Variants in RASAL2 observed in about 807,000 individuals in gnomAD.
The protein encoded by RASAL2 is RAS protein activator like 2.
A neutral mutation model predicts 128.9 loss-of-function variants in RASAL2; 58 were observed. That is an observed-to-expected ratio of 0.45 (90% CI 0.36 to 0.56). The LOEUF (loss-of-function observed/expected upper bound fraction) is 0.56. RASAL2 is among the 20% of genes least tolerant of loss of function. The pLI is 0.00. For missense variants in RASAL2, 1,360 were observed against 1,601.6 expected (o/e 0.85, Z 2.57); for synonymous variants, 561 against 580.8 (o/e 0.97, Z 0.49).
intron 1 of RASAL2, among the ~76,000 whole-genome samples, chr1:178,199,297 C>A (rs1662783488): frequency 1.3e-5 from 2 of 152,316 alleles, no homozygotes; most frequent in African/African-American, 4.8e-5. Context: ...AGCTCGCCCT[C>A]CGTGGGCTGT....
intron 3 of RASAL2, among the ~76,000 whole-genome samples, chr1:178,362,680 C>G (rs1341732889): frequency 6.6e-6 from 1 of 151,790 alleles, no homozygotes; most frequent in East Asian, 1.9e-4. Flanking sequence ...CTCTTTGTTG[C>G]TATCTGTGTA....
chr1:178,291,023 AT>A (rs1667259019), intron 2 of RASAL2, among the ~76,000 whole-genome samples: 1 of 150,396 alleles, frequency 6.6e-6, no homozygotes, highest in Admixed American at 6.6e-5. Flanking sequence ...TAACTGAGAT[AT>A]GGCCTAGGAT....
intron 1 of RASAL2, among the ~76,000 whole-genome samples, chr1:178,152,114 C>T (rs1342406127): frequency 6.6e-6 from 1 of 152,140 alleles, no homozygotes; most frequent in Non-Finnish European, 1.5e-5. Flanking sequence ...GGTAACCAGA[C>T]AGACCATGTG....
At chr1:178,203,766 A>C (rs953038353) in intron 1 of RASAL2, among the ~76,000 whole-genome samples, 4 of 152,236 alleles carry the variant, frequency 2.6e-5, no homozygotes, top group African/African-American at 9.6e-5. Flanking sequence ...TGGACTATCA[A>C]GATGAAATCA....
chr1:178,187,022 G>T (rs1031910702), intron 1 of RASAL2, among the ~76,000 whole-genome samples: 5 of 151,836 alleles, frequency 3.3e-5, no homozygotes, highest in African/African-American at 1.2e-4. Flanking sequence ...GGAGAGAAGG[G>T]TCTCTGTGTT....
At chr1:178,293,536 T>C (rs1197029898) in intron 2 of RASAL2, among the ~76,000 whole-genome samples, 1 of 152,198 alleles carries the variant, frequency 6.6e-6, no homozygotes, top group Non-Finnish European at 1.5e-5. Context: ...AACATGTTCA[T>C]AATATATTGT....
intron 5 of RASAL2, among the ~76,000 whole-genome samples, chr1:178,420,871 T>G (rs1301322905): frequency 6.6e-6 from 1 of 152,176 alleles, no homozygotes; most frequent in East Asian, 1.9e-4. Context: ...AAGCTATTTC[T>G]GTAGAATCAA....
chr1:178,113,511 AGTGTGT>A (rs61642582), intron 1 of RASAL2, among the ~76,000 whole-genome samples: 22,187 of 121,764 alleles, frequency 0.18, 2,049 homozygotes, highest in Middle Eastern at 0.23. Flanking sequence ...CATGCCTGCG[AGTGTGT>A]GTGTGTGTGT....
At chr1:178,210,625 G>A (rs562055081) in intron 1 of RASAL2, among the ~76,000 whole-genome samples, 2 of 152,276 alleles carry the variant, frequency 1.3e-5, no homozygotes, top group South Asian at 2.1e-4. Context: ...AACAGGTGCC[G>A]CCAAACATTC....
At chr1:178,244,066 AAATT>A (rs1664649604) in intron 1 of RASAL2, among the ~76,000 whole-genome samples, 1 of 152,146 alleles carries the variant, frequency 6.6e-6, no homozygotes, top group Non-Finnish European at 1.5e-5. Context: ...TGGCTCTGTG[AAATT>A]TTATCTTTTT....
At position 178,176,230 on chromosome 1, in the gene RASAL2, TGA is replaced by T. The variant is rs1661885211; in HGVS notation, c.202+81537_202+81538del. 2.9e-5 allele frequency among the ~76,000 whole-genome samples: 4 copies of T among 140,314 alleles called. No homozygotes were observed. The East Asian group carries it at 5.9e-4, about 21-fold the overall frequency. 92.1% of individuals were successfully genotyped at this position (140,314 alleles called of 152,430 possible). On this transcript the variant is annotated intron_variant, in intron 1 of 17. Transcript: ENST00000367649. ...ATCCATGCCAACATCTGTTGTTTTT[TGA>T]CTCTAGTTGTGGCCATTCTTGCGTG...
intron 3 of RASAL2, among the ~76,000 whole-genome samples, chr1:178,310,351 C>T (rs542310626): frequency 1.3e-5 from 2 of 152,138 alleles, no homozygotes; most frequent in South Asian, 4.2e-4. Flanking sequence ...TAGATTTGCC[C>T]ATTAGAAAGA....
intron 4 of RASAL2, among the ~76,000 whole-genome samples, chr1:178,414,290 G>C (rs937853798): frequency 2.0e-5 from 3 of 152,188 alleles, no homozygotes; most frequent in African/African-American, 2.4e-5. Context: ...CTGTTTGCCA[G>C]GGGTTGGAGT....
chr1:178,112,606 C>T (rs929316346), intron 1 of RASAL2, among the ~76,000 whole-genome samples: 14 of 151,516 alleles, frequency 9.2e-5, no homozygotes, highest in Admixed American at 5.9e-4. Context: ...TTTGTAGGGA[C>T]GTGGATGAAA....
chr1:178,272,325 A>T (rs1233679764), intron 1 of RASAL2, among the ~76,000 whole-genome samples: 1 of 152,222 alleles, frequency 6.6e-6, no homozygotes, highest in African/African-American at 2.4e-5. Context: ...TAAGATAGCT[A>T]TGCTAGGTGT....
chr1:178,187,849 A>G (rs1662359611), intron 1 of RASAL2, among the ~76,000 whole-genome samples: 1 of 152,138 alleles, frequency 6.6e-6, no homozygotes, highest in African/African-American at 2.4e-5. Flanking sequence ...TCCTGTCCTC[A>G]AGGAGTTCTT....
intron 2 of RASAL2, among the ~76,000 whole-genome samples, chr1:178,288,522 A>G (rs1354455975): frequency 6.7e-6 from 1 of 150,042 alleles, no homozygotes; most frequent in African/African-American, 2.5e-5. Flanking sequence ...TGTTCATTCC[A>G]TTATTTCTTG....
At chr1:178,127,105 A>C (rs761259782) in intron 1 of RASAL2, among the ~76,000 whole-genome samples, 6 of 152,174 alleles carry the variant, frequency 3.9e-5, no homozygotes, top group Admixed American at 1.3e-4. Flanking sequence ...AGTTGACTCA[A>C]CCTGTAATGA....
chr1:178,304,871 T>C (rs1430001904), intron 3 of RASAL2, among the ~76,000 whole-genome samples: 1 of 152,184 alleles, frequency 6.6e-6, no homozygotes, highest in Non-Finnish European at 1.5e-5. Context: ...TATTCTTGTT[T>C]GCAGATGATA....
Sources: allele counts gnomAD v4.1 joint callset (sites outside exome capture counted in the v4.1 genomes callset), GRCh38; gene constraint gnomAD v4.1.1; transcripts MANE v1.5; gene names NCBI Gene and HGNC (gene_info 2026-07-23, HGNC 2026-07-21).